The following DMD variants were observed in gnomAD, a reference collection of about 807,000 sequenced individuals.
The protein encoded by DMD is dystrophin.
In DMD, 63 loss-of-function variants were observed where a neutral mutation model predicts 330.1. The ratio of observed to expected loss-of-function variants is 0.19; its 90% CI spans 0.16 to 0.24. The LOEUF is 0.24. Among genes scored for constraint, DMD ranks in the 10% least tolerant of loss-of-function variants. DMD has a pLI of 1.00. For missense variants in DMD, 3,344 were observed against 2,684.1 expected, an observed-to-expected ratio of 1.25 and a Z score of -5.43; for synonymous variants, 1,223 against 959.8, an observed-to-expected ratio of 1.27 and a Z score of -5.07.
chrX:32,359,456 T>C (rs964549614), intron 37 of DMD, among the ~76,000 whole-genome samples: 5 of 111,469 alleles, frequency 4.5e-5, no homozygotes, highest in Non-Finnish European at 9.4e-5. Context: ...GTATTTTTTT[T>C]CCCCAGGTTA....
chrX:31,333,081 G>C (rs1321318546), intron 61 of DMD, among the ~76,000 whole-genome samples: 1 of 111,547 alleles, frequency 9.0e-6, no homozygotes, highest in Admixed American at 9.6e-5. Context: ...GCGGTTCTCA[G>C]AGTAATAAAA....
At chrX:32,934,820 T>G (rs1175907645) in intron 2 of DMD, among the ~76,000 whole-genome samples, 1 of 112,617 alleles carries the variant, frequency 8.9e-6, no homozygotes, top group South Asian at 3.7e-4. Flanking sequence ...AATCTGGGGA[T>G]TGTCATATCA....
At chrX:31,193,948 A>G (rs2042638014) in intron 67 of DMD, among the ~76,000 whole-genome samples, 1 of 111,295 alleles carries the variant, frequency 9.0e-6, no homozygotes, top group Non-Finnish European at 1.9e-5. Context: ...TGGGAGGCCG[A>G]GGCAGGTGGA....
intron 17 of DMD, among the ~76,000 whole-genome samples, chrX:32,544,868 G>T (rs1347213220): frequency 2.8e-5 from 3 of 108,946 alleles, no homozygotes; most frequent in Non-Finnish European, 5.7e-5. Context: ...AAGAAAGAAA[G>T]AAACTTTTAG....
At chrX:32,771,579 A>C (rs181693931) in intron 7 of DMD, among the ~76,000 whole-genome samples, 106 of 110,875 alleles carry the variant, frequency 9.6e-4, no homozygotes, top group African/African-American at 3.4e-3. Context: ...CTACTATTAT[A>C]TCAAGGGCTG....
chrX:32,424,998 G>C (rs2098205795), intron 29 of DMD, among the ~76,000 whole-genome samples: 1 of 111,483 alleles, frequency 9.0e-6, no homozygotes, highest in Non-Finnish European at 1.9e-5. Context: ...CTATGCGGCT[G>C]TATGTGTGTG....
intron 43 of DMD, among the ~76,000 whole-genome samples, chrX:32,250,159 C>T (rs2097257916): frequency 9.1e-6 from 1 of 110,364 alleles, no homozygotes; most frequent in South Asian, 4.0e-4. Context: ...TTTTTAGGAG[C>T]TTCACATGTA....
At chrX:32,790,600 A>G (rs745763719) in intron 7 of DMD, among the ~76,000 whole-genome samples, 29 of 111,411 alleles carry the variant, frequency 2.6e-4, no homozygotes, top group Admixed American at 1.3e-3. Flanking sequence ...AGTCTCAGTG[A>G]TATTTCCCAC....
intron 63 of DMD, among the ~76,000 whole-genome samples, chrX:31,224,521 G>A (rs747254322): frequency 6.2e-5 from 7 of 112,201 alleles, no homozygotes; most frequent in South Asian, 3.7e-4. Context: ...GATATGGAGC[G>A]ACTGGAATTC....
At chrX:31,136,645 A>G (rs1216458946) in intron 76 of DMD, among the ~76,000 whole-genome samples, 1 of 112,510 alleles carries the variant, frequency 8.9e-6, no homozygotes, top group Non-Finnish European at 1.9e-5. Flanking sequence ...ATCATATTGG[A>G]GCTCTAGGAA....
At chrX:31,362,842 C>T (rs987149713) in intron 60 of DMD, among the ~76,000 whole-genome samples, 13 of 112,076 alleles carry the variant, frequency 1.2e-4, no homozygotes, top group South Asian at 3.7e-4. Flanking sequence ...CCCAGCTGCT[C>T]GGGAGGTTGA....
chrX:32,895,202 A>G (rs1452081219), intron 2 of DMD, among the ~76,000 whole-genome samples: 3 of 112,362 alleles, frequency 2.7e-5, no homozygotes, highest in Non-Finnish European at 5.6e-5. Context: ...TTAGGGCTTC[A>G]GCATATGAAT....
chrX:32,933,373 A>AG lies in DMD; in HGVS notation c.94-83554_94-83553insC, dbSNP rs1238175762. Among the ~76,000 whole-genome samples, 4 of 111,868 alleles carry AG rather than the reference A, an allele frequency of 3.6e-5. No homozygotes were observed. In the East Asian group the frequency reaches 1.1e-3, roughly 32 times the overall value. On this transcript the variant is annotated intron_variant, in intron 2 of 78. Transcript: ENST00000357033. ...GGTAGGTGATTAGATGTGAAAAAAA[A>AG]TGATGCTTTATTTATTCTGGGCATA...
chrX:33,153,679 G>T (rs1417898281), intron 1 of DMD, among the ~76,000 whole-genome samples: 1 of 112,236 alleles, frequency 8.9e-6, no homozygotes, highest in Admixed American at 9.4e-5. Context: ...TCTGTTAAAA[G>T]CTGTGGGGCA....
intron 44 of DMD, among the ~76,000 whole-genome samples, chrX:32,087,782 T>C (rs1485097998): frequency 8.9e-6 from 1 of 112,425 alleles, no homozygotes; most frequent in Non-Finnish European, 1.9e-5. Flanking sequence ...TTCACGAGCA[T>C]AAAGAGTAAG....
At chrX:31,818,321 T>C (rs2092681521) in intron 50 of DMD, among the ~76,000 whole-genome samples, 1 of 112,217 alleles carries the variant, frequency 8.9e-6, no homozygotes, top group Non-Finnish European at 1.9e-5. Flanking sequence ...GCTCAACACA[T>C]GGAAGTTAAT....
intron 50 of DMD, among the ~76,000 whole-genome samples, chrX:31,798,967 T>G (rs1441332899): frequency 1.8e-5 from 2 of 111,595 alleles, no homozygotes; most frequent in African/African-American, 6.5e-5. Context: ...TTTATTTCCA[T>G]TTCTTTACAT....
At chrX:32,253,384 T>C (rs1445788281) in intron 43 of DMD, among the ~76,000 whole-genome samples, 1 of 110,759 alleles carries the variant, frequency 9.0e-6, no homozygotes, top group Non-Finnish European at 1.9e-5. Flanking sequence ...TACTGTGTGC[T>C]ATTCAAATTT....
intron 65 of DMD, among the ~76,000 whole-genome samples, chrX:31,209,287 T>C (rs770876208): frequency 2.7e-5 from 3 of 111,973 alleles, no homozygotes; most frequent in Non-Finnish European, 3.8e-5. Context: ...GTTTTGTTTG[T>C]TTTCTAATCT....
Sources: gnomAD v4.1 joint callset for allele counts (sites outside exome capture counted in the v4.1 genomes callset) on GRCh38, gnomAD v4.1.1 for gene constraint, MANE v1.5 for transcripts, NCBI Gene and HGNC (gene_info 2026-07-23, HGNC 2026-07-21) for gene names.